SGSH: variants seen among roughly 807,000 people sequenced by gnomAD.
SGSH encodes the protein heparan sulfate sulfatase.
In SGSH, 48 loss-of-function variants were observed where a neutral mutation model predicts 51.0. The observed-to-expected ratio is 0.94, with a 90% CI of 0.75 to 1.20. The LOEUF (loss-of-function observed/expected upper bound fraction) is 1.20, where lower values mean the gene tolerates loss of function less well. Ranked by LOEUF, SGSH falls within the 50% of genes most tolerant of loss-of-function variation. The pLI, the probability that SGSH is intolerant of heterozygous loss-of-function variation, is 0.00. For synonymous variants in SGSH, 321 were observed against 313.4 expected (o/e 1.02, Z -0.26); for missense variants, 662 against 717.8 (o/e 0.92, Z 0.89).
the SGSH span, chr17:80,201,066 C>A: frequency 6.6e-6 from 1 of 152,380 alleles, no homozygotes; most frequent in East Asian, 1.9e-4. The surrounding 1 kb of genome is among the most constrained non-coding windows in gnomAD (Gnocchi z 5.0). Context: ...CTTAAGGTTC[C>A]CAATTATCAG....
At chr17:80,214,584 A>G (rs772673287) in intron 4 of SGSH, 31 bp downstream of exon 4, 5 of 1,605,354 alleles carry the variant, frequency 3.1e-6, no homozygotes, top group Non-Finnish European at 3.4e-6. Flanking sequence ...ACCGGCCGCC[A>G]GGGGGAAGGG....
rs1195069888 is a variant in SGSH at position 80,212,575 on chromosome 17, C to T, written c.746-301G>A. 5.5e-5 allele frequency: 26 copies of T among 468,902 alleles called. No homozygotes were observed. The highest frequency in any genetic ancestry group is 6.1e-5 in the South Asian group (3 of 49,068). 29.0% of individuals were successfully genotyped at this position (468,902 alleles called of 1,614,324 possible). A position where few individuals can be genotyped will look rare whatever the true frequency, so the allele number is the denominator to read the frequency against. ...GGTGCCCGCCGGCTTTTGAGTTCTC[C>T]GGAATCTCGTGTCTGTCCCATGGAG... On this transcript the variant is annotated intron_variant, in intron 6 of 7. Transcript: ENST00000326317. The surrounding 1 kb of genome is among the most constrained non-coding windows in gnomAD (Gnocchi z 5.9).
downstream of SGSH, chr17:80,203,684 A>G (rs1419531025): frequency 1.6e-6 from 1 of 618,468 alleles, no homozygotes; most frequent in African/African-American, 1.9e-5. This position sits in a 1 kb window ranked among gnomAD's most constrained non-coding sequence, Gnocchi z 4.6. Context: ...AGCCTGCAGC[A>G]AAGGGATGTG....
In SGSH at chr17:80,212,009, G is replaced by A. The variant is rs1028384333; in HGVS notation, c.949+62C>T. On this transcript the variant is annotated intron_variant, in intron 7 of 7. Transcript: ENST00000326317. The surrounding 1 kb of genome is among the most constrained non-coding windows in gnomAD (Gnocchi z 5.9). Reference sequence around the variant, plus strand: ...ATGGGTGTGGAGCAGCATCTGACAGGTCATGGCCCCGTCCCAGATCCACTC... The same window carrying A: ...ATGGGTGTGGAGCAGCATCTGACAGATCATGGCCCCGTCCCAGATCCACTC... 5 of 1,405,126 alleles carry A rather than the reference G, an allele frequency of 3.6e-6. No homozygotes were observed. The highest frequency in any genetic ancestry group is 5.0e-6 in the Non-Finnish European group (5 of 994,270). 87.0% of individuals were successfully genotyped at this position (1,405,126 alleles called of 1,614,324 possible).
At chr17:80,218,087 G>A (rs1157733538) in intron 1 of SGSH, among the ~76,000 whole-genome samples, 1 of 152,264 alleles carries the variant, frequency 6.6e-6, no homozygotes, top group Non-Finnish European at 1.5e-5. Context: ...ACCTGGGTGG[G>A]CGTGTTAGCC....
Position 80,212,327 on chromosome 17 carries a change from G to A in SGSH, c.746-53C>T. ...TCAGCCGCAGACACGGAGGGAGGCAGCGGGTGGTGTGTGTAGACCCACCTG... is the reference window on the plus strand; with the variant it reads ...TCAGCCGCAGACACGGAGGGAGGCAACGGGTGGTGTGTGTAGACCCACCTG... On this transcript the variant is annotated intron_variant, in intron 6 of 7. Transcript: ENST00000326317. This position sits in a 1 kb window ranked among gnomAD's most constrained non-coding sequence, Gnocchi z 5.9. 1.3e-6 allele frequency: 2 copies of A among 1,507,834 alleles called. No homozygotes were observed. Among genetic ancestry groups the A allele is most frequent in the Non-Finnish European group, 1.8e-6 (2 of 1,105,778 alleles). The allele number at this position is 1,507,834 out of a possible 1,614,324, so 93.4% of individuals were successfully genotyped here.
At chr17:80,206,815 CT>C, downstream of SGSH, 1 of 441,838 alleles carries the variant, frequency 2.3e-6, no homozygotes, top group Non-Finnish European at 4.1e-6. Flanking sequence ...AAGTGGCAAG[CT>C]CTATTCCCTC....
Position 80,216,623 on chromosome 17 carries a change from G to A in SGSH, c.249+409C>T, listed in dbSNP as rs140629624. ...GAGCATGTGTGCCTTAACGGTGTCC[G>A]CTCCCTGCACCATGGCGTTCCTGGG... On this transcript the variant is annotated intron_variant, in intron 2 of 7. Coordinates refer to ENST00000326317, the MANE Select transcript of SGSH (RefSeq NM_000199.5). 279 of 238,768 alleles carry A rather than the reference G, an allele frequency of 1.2e-3. 1 individual carries two copies. The highest frequency in any genetic ancestry group is 5.7e-3 in the African/African-American group (262 of 45,820). 14.8% of individuals were successfully genotyped at this position (238,768 alleles called of 1,614,324 possible). A position where few individuals can be genotyped will look rare whatever the true frequency, so the allele number is the denominator to read the frequency against.
chr17:80,205,710 AGAG>A, downstream of SGSH: 6 of 1,477,544 alleles, frequency 4.1e-6, no homozygotes, highest in Non-Finnish European at 5.4e-6. Flanking sequence ...TCAGGAATGC[AGAG>A]GAGGGGGATG....
At chr17:80,215,223 C>A in intron 2 of SGSH, 85 bp from the exon 3 acceptor site, 1 of 959,404 alleles carries the variant, frequency 1.0e-6, no homozygotes, top group Non-Finnish European at 1.6e-6. Context: ...CCCTCCCATC[C>A]CCAGGGGCCT....
At chr17:80,208,611 T>C (rs934076777), downstream of SGSH, 3 of 418,970 alleles carry the variant, frequency 7.2e-6, no homozygotes, top group Non-Finnish European at 1.3e-5. Context: ...TGAGAATGTT[T>C]CTGCAGTGGG....
downstream of SGSH, chr17:80,204,448 G>A: frequency 2.7e-6 from 3 of 1,094,620 alleles, no homozygotes; most frequent in Admixed American, 8.2e-5. Flanking sequence ...CACTCATTTA[G>A]GCCAGGATCT....
chr17:80,212,337 T>C lies in SGSH; in HGVS notation c.746-63A>G. The C allele has an allele frequency of 7.2e-7, 1 of 1,396,260 alleles. No homozygotes were observed. Among genetic ancestry groups the C allele is most frequent in the Non-Finnish European group, 9.9e-7 (1 of 1,005,990 alleles). The allele number at this position is 1,396,260 out of a possible 1,614,324, so 86.5% of individuals were successfully genotyped here. On this transcript the variant is annotated intron_variant, in intron 6 of 7. Transcript: ENST00000326317. The surrounding 1 kb of genome is among the most constrained non-coding windows in gnomAD (Gnocchi z 5.9). ...ACACGGAGGGAGGCAGCGGGTGGTG[T>C]GTGTAGACCCACCTGCTGCTGCATC... is the stretch of plus-strand genomic sequence containing the variant.
rs9900502 is a variant in SGSH, at chr17:80,217,231, C to T, written c.89-39G>A. On this transcript the variant is annotated intron_variant, in intron 1 of 7. Coordinates refer to ENST00000326317, the MANE Select transcript of SGSH (RefSeq NM_000199.5). Reference sequence around the variant, plus strand: ...GAGACAGAGAGTGCACGGTCGGCTGCGGTCACGAGAAACAGCACTGGGAGT... The same window carrying T: ...GAGACAGAGAGTGCACGGTCGGCTGTGGTCACGAGAAACAGCACTGGGAGT... The T allele has an allele frequency of 0.05, 78,509 of 1,577,028 alleles. 4,337 individuals are homozygous for T. The highest frequency in any genetic ancestry group is 0.29 in the African/African-American group (21,423 of 74,808).
chr17:80,203,533 G>T (rs998049604), downstream of SGSH: 6 of 371,256 alleles, frequency 1.6e-5, no homozygotes, highest in African/African-American at 1.3e-4. This position sits in a 1 kb window ranked among gnomAD's most constrained non-coding sequence, Gnocchi z 4.6. Flanking sequence ...CCTGGAGTGG[G>T]GCCCTGTACG....
downstream of SGSH, chr17:80,205,109 G>A (rs538251591): frequency 1.1e-5 from 17 of 1,613,540 alleles, no homozygotes; most frequent in East Asian, 2.5e-4. Context: ...CCATCGACCC[G>A]CCCGGCCCCG....
chr17:80,219,161 C>CAAAAA (rs11430982), intron 1 of SGSH, among the ~76,000 whole-genome samples: 34 of 54,104 alleles, frequency 6.3e-4, no homozygotes, highest in East Asian at 1.3e-3. Context: ...CCCTGTCTCA[C>CAAAAA]AAAAAAAAAA....
rs145970971 is a variant in SGSH, at chr17:80,217,137, C to T, written c.144G>A (p.Pro48=). 3.0e-4 allele frequency: 483 copies of T among 1,600,472 alleles called. 1 individual carries two copies. The highest frequency in any genetic ancestry group is 3.7e-4 in the Non-Finnish European group (438 of 1,175,570). ...GAYNNSAIAT[P]HLDALARRSL... ...TGCGGCGGGCCAAGGCGTCCAGGTGCGGGGTGGCGATGGCGCTGTTGTTGT... is the reference window on the plus strand; with the variant it reads ...TGCGGCGGGCCAAGGCGTCCAGGTGTGGGGTGGCGATGGCGCTGTTGTTGT... Residue 48 remains proline, a synonymous_variant, in exon 2 of 8, where the codon CCG becomes CCA. Coordinates refer to ENST00000326317, the MANE Select transcript of SGSH (RefSeq NM_000199.5).
intron 7 of SGSH, 115 bp from the exon 8 acceptor site, chr17:80,211,126 C>T (rs1400331320): frequency 1.6e-5 from 25 of 1,533,132 alleles, no homozygotes; most frequent in African/African-American, 2.7e-5. Context: ...CAATCAGCAG[C>T]GGGAGGTGCC....
Sources: gnomAD v4.1 joint callset for allele counts (sites outside exome capture counted in the v4.1 genomes callset) on GRCh38, gnomAD v4.1.1 for gene constraint, Gnocchi (gnomAD v3.1) non-coding constraint, MANE v1.5 for transcripts, NCBI Gene and HGNC (gene_info 2026-07-23, HGNC 2026-07-21) for gene names.